The following MUC5AC variants were observed in gnomAD, a reference collection of about 807,000 sequenced individuals.
The protein encoded by MUC5AC is mucin 5AC, oligomeric mucus/gel-forming.
Under a neutral mutation model 169.7 loss-of-function variants are expected in MUC5AC, and 158 were observed. The ratio of observed to expected loss-of-function variants is 0.93; its 90% CI spans 0.82 to 1.06. The LOEUF is 1.06. MUC5AC is among the 50% of genes least tolerant of loss of function. The probability of loss-of-function intolerance (pLI) is 0.00; values close to 1 mark genes in which losing one functional copy is unlikely to be tolerated. For missense variants in MUC5AC, 4,359 were observed against 3,089.9 expected (o/e 1.41, Z -9.74); for synonymous variants, 1,975 against 1,237.0 (o/e 1.60, Z -12.52).
chr11:1,196,747 GGT>G (rs1391040421), intron 39 of MUC5AC, 27 bp downstream of exon 39: 1 of 738,340 alleles, frequency 1.4e-6, no homozygotes, highest in African/African-American at 1.7e-5. Context: ...GGGGCTGGGG[GGT>G]GTGGCAGGAC....
Position 1,185,364 on chromosome 11 carries a change from G to A in MUC5AC, c.7219G>A (p.Ala2407Thr). ...TGTTCCTACCACCAGCACAACCTCTGCCACTACAACCAGCACAACCTCAGC... is the reference window on the plus strand; with the variant it reads ...TGTTCCTACCACCAGCACAACCTCTACCACTACAACCAGCACAACCTCAGC... ...SPVPTTSTTS[A>T]TTTSTTSAPT... is the part of the protein sequence containing the mutation. Residue 2407 changes from alanine (A) to threonine (T), a missense_variant, in exon 31 of 49, where the codon GCC (alanine) becomes ACC (threonine). Transcript: ENST00000621226. The A allele has an allele frequency of 1.4e-6, 1 of 719,574 alleles. No homozygotes were observed. The highest frequency in any genetic ancestry group is 2.5e-6 in the Non-Finnish European group (1 of 394,962). The allele number at this position is 719,574 out of a possible 1,614,324, so 44.6% of individuals were successfully genotyped here.
chr11:1,188,151 C>A lies in MUC5AC; in HGVS notation c.10006C>A (p.Pro3336Thr), dbSNP rs1860998577. Residue 3336 changes from proline to threonine, a missense_variant, in exon 31 of 49, where the codon CCT becomes ACT. Transcript: ENST00000621226. Reference sequence around the variant, plus strand: ...CGTGACCTCCACACCTGTGACAGCTCCTAGCACCCCTAGTGGGAGAGCCAC... The same window carrying A: ...CGTGACCTCCACACCTGTGACAGCTACTAGCACCCCTAGTGGGAGAGCCAC... ...CPVTSTPVTA[P>T]STPSGRATSP... 13 of 716,594 alleles carry A rather than the reference C, an allele frequency of 1.8e-5. No homozygotes were observed. The highest frequency in any genetic ancestry group is 3.7e-5 in the Admixed American group (2 of 54,122). The allele number at this position is 716,594 out of a possible 1,614,324, so 44.4% of individuals were successfully genotyped here.
Position 1,165,634 on chromosome 11 carries a change from A to G in MUC5AC, c.1260A>G (p.Gly420=). ...CTCTTGCTCTCAGCACCTGCTCCGGAGGCCGGTGGAGCTGCCAGGAGGTTC... is the reference window on the plus strand; with the variant it reads ...CTCTTGCTCTCAGCACCTGCTCCGGGGGCCGGTGGAGCTGCCAGGAGGTTC... ...STDCTNCTCS[G]GRWSCQEVPC... The change falls in exon 11 of 49, where the codon GGA becomes GGG. Residue 420 remains glycine (G), a synonymous_variant. Coordinates refer to ENST00000621226, the MANE Select transcript of MUC5AC (RefSeq NM_001304359.2). 1.2e-6 allele frequency: 2 copies of G among 1,612,132 alleles called. No individual in the cohort carries two copies. The highest frequency in any genetic ancestry group is 8.5e-7 in the Non-Finnish European group (1 of 1,179,746).
chr11:1,157,984 C>T lies in MUC5AC; in HGVS notation c.-16C>T, dbSNP rs534764726. On this transcript the variant is annotated 5_prime_UTR_variant, in exon 1 of 49. Transcript: ENST00000621226. ...GGCTGCTGAGGGACAGGGCACTCTT[C>T]CCCGCCGTCCACACAATGAGTGTTG... 3.2e-6 allele frequency: 5 copies of T among 1,575,368 alleles called. No individual in the cohort carries two copies. The East Asian group carries it at 7.0e-5, about 22-fold the overall frequency.
At chr11:1,164,607 C>A in intron 9 of MUC5AC, 75 bp downstream of exon 9, 1 of 1,502,556 alleles carries the variant, frequency 6.7e-7, no homozygotes. Flanking sequence ...GGCCAAGCCT[C>A]GGAAGAAGGA....
chr11:1,181,974 C>T (rs1277836166), intron 30 of MUC5AC, among the ~76,000 whole-genome samples, 181 bp from the exon 31 acceptor site: 2 of 152,228 alleles, frequency 1.3e-5, no homozygotes, highest in African/African-American at 2.4e-5. Flanking sequence ...AAAACTCAGT[C>T]GGTTCGCCTG....
At chr11:1,171,601 TCACCCATTCACCCACTCAC>T (rs1860541107) in intron 15 of MUC5AC, among the ~76,000 whole-genome samples, 1 of 104,714 alleles carries the variant, frequency 9.5e-6, no homozygotes, top group Non-Finnish European at 1.9e-5. Flanking sequence ...ACCCACTCAC[TCACCCATTCACCCACTCAC>T]GAACTCACTC....
At position 1,188,871 on chromosome 11, in the gene MUC5AC, G is replaced by A; in HGVS notation, c.10726G>A (p.Glu3576Lys). Residue 3576 changes from glutamate (E) to lysine (K), a missense_variant, in exon 31 of 49, where the codon GAG (glutamate) becomes AAG (lysine). By Grantham distance (56) the Glu-to-Lys change is moderately conservative. Transcript: ENST00000621226. ...CCAGTGCCGAGCCAAGAGCCACCCG[G>A]AGGTGAGCATCGAACACCTGGGCCA... ...RLQCRAKSHP[E>K]VSIEHLGQVV... The A allele has an allele frequency of 2.6e-6, 2 of 763,774 alleles. No homozygotes were observed. The highest frequency in any genetic ancestry group is 4.8e-6 in the Non-Finnish European group (2 of 417,208). The allele number at this position is 763,774 out of a possible 1,614,324, so 47.3% of individuals were successfully genotyped here. A position where few individuals can be genotyped will look rare whatever the true frequency, so the allele number is the denominator to read the frequency against.
rs764080695 is a variant in MUC5AC at position 1,192,111 on chromosome 11, A to T, written c.13966A>T (p.Asn4656Tyr). Residue 4656 changes from asparagine to tyrosine, a missense_variant, in exon 31 of 49, where the codon AAC (asparagine) becomes TAC (tyrosine). Coordinates refer to ENST00000621226, the MANE Select transcript of MUC5AC (RefSeq NM_001304359.2). Reference protein sequence around the residue: ...PHGGDKETYNNIIRSGEKICR... With the variant: ...PHGGDKETYNYIIRSGEKICR... ...CGGCGGGGACAAGGAAACCTACAAC[A>T]ACATCATCAGGAGTGGGGAAAAAAT... 5 of 765,028 alleles carry T rather than the reference A, an allele frequency of 6.5e-6. No homozygotes were observed. The highest frequency in any genetic ancestry group is 1.2e-5 in the Non-Finnish European group (5 of 417,880). 47.4% of individuals were successfully genotyped at this position (765,028 alleles called of 1,614,324 possible).
In MUC5AC at chr11:1,192,785, T is replaced by G. The variant is rs1229976918; in HGVS notation, c.14383T>G (p.Ser4795Ala). Residue 4795 changes from serine to alanine, a missense_variant and splice_region_variant, in exon 32 of 49, where the codon TCC (serine) becomes GCC (alanine). By Grantham distance (99) the Ser-to-Ala change is moderately conservative (BLOSUM62 1). Transcript: ENST00000621226. ...TGCCATGTCCCTTCCTCTTACAGGA[T>G]CCACCATATACCGCCACAGAGACCT... is the stretch of plus-strand genomic sequence containing the variant. Reference protein sequence around the residue: ...NVADRLYPAGSTIYRHRDLAG... With the variant: ...NVADRLYPAGATIYRHRDLAG... 6 of 755,438 alleles carry G rather than the reference T, an allele frequency of 7.9e-6. No homozygotes were observed. The highest frequency in any genetic ancestry group is 1.7e-5 in the African/African-American group (1 of 58,896). The allele number at this position is 755,438 out of a possible 1,614,324, so 46.8% of individuals were successfully genotyped here. A position where few individuals can be genotyped will look rare whatever the true frequency, so the allele number is the denominator to read the frequency against.
At chr11:1,194,738 GCCA>G in intron 35 of MUC5AC, 68 bp downstream of exon 35, 2 of 678,234 alleles carry the variant, frequency 2.9e-6, no homozygotes, top group Non-Finnish European at 2.7e-6. Context: ...CAGGGGCGAG[GCCA>G]CCACGTGCCG....
chr11:1,199,524 G>A (rs1001240463), intron 46 of MUC5AC, 34 bp downstream of exon 46: 23 of 702,564 alleles, frequency 3.3e-5, no homozygotes, highest in Non-Finnish European at 5.5e-5. Context: ...AGCCAAGGGG[G>A]GCTTCACCCC....
Position 1,199,724 on chromosome 11 carries a change from C to T in MUC5AC, c.16545C>T (p.Cys5515=), listed in dbSNP as rs1489800086. 1.4e-6 allele frequency: 1 copy of T among 711,512 alleles called. No homozygotes were observed. The highest frequency in any genetic ancestry group is 1.5e-5 in the South Asian group (1 of 68,370). The allele number at this position is 711,512 out of a possible 1,614,324, so 44.1% of individuals were successfully genotyped here. A position where few individuals can be genotyped will look rare whatever the true frequency, so the allele number is the denominator to read the frequency against. The change falls in exon 47 of 49, where the codon TGC becomes TGT. Residue 5515 remains cysteine (C), a synonymous_variant. Transcript: ENST00000621226. ...LDEARMSKDG[C]CRFCPPPPPP... ...AGGCCCGCATGAGCAAGGACGGCTG[C>T]TGCCGCTTCTGCCCGCCGCCCCCGC...
intron 25 of MUC5AC, 47 bp from the exon 26 acceptor site, chr11:1,179,045 C>T (rs936096678): frequency 0.02 from 3,425 of 168,850 alleles, 71 homozygotes; most frequent in African/African-American, 0.2. Flanking sequence ...CAAGAGCCCG[C>T]GGGGTGGTGG....
At chr11:1,178,741 C>A in intron 25 of MUC5AC, 58 bp downstream of exon 25, 2 of 933,734 alleles carry the variant, frequency 2.1e-6, no homozygotes, top group Non-Finnish European at 2.8e-6. Flanking sequence ...ACCCAAGGAG[C>A]CCCCAGAAGG....
intron 9 of MUC5AC, 91 bp downstream of exon 9, chr11:1,164,623 G>A: frequency 2.0e-6 from 3 of 1,464,456 alleles, no homozygotes; most frequent in Non-Finnish European, 2.7e-6. Context: ...AAGGACCCCA[G>A]TCCTAGTGTC....
In MUC5AC at chr11:1,184,938, C is replaced by G. The variant is rs1290908967; in HGVS notation, c.6793C>G (p.Gln2265Glu). The G allele has an allele frequency of 1.8e-5, 12 of 649,270 alleles. No homozygotes were observed. The highest frequency in any genetic ancestry group is 3.1e-5 in the Non-Finnish European group (11 of 359,792). 40.2% of individuals were successfully genotyped at this position (649,270 alleles called of 1,614,324 possible). A position where few individuals can be genotyped will look rare whatever the true frequency, so the allele number is the denominator to read the frequency against. Residue 2265 changes from glutamine to glutamate, a missense_variant, in exon 31 of 49, where the codon CAG becomes GAG. Transcript: ENST00000621226. ...LVTTSTTSTP[Q>E]TSTTYAHTTS... ...GACAACCAGCACAACCTCCACTCCA[C>G]AGACCAGTACAACCTATGCCCATAC...
intron 9 of MUC5AC, among the ~76,000 whole-genome samples, chr11:1,164,774 G>A (rs1466151943): frequency 6.7e-6 from 1 of 148,198 alleles, no homozygotes; most frequent in African/African-American, 2.5e-5. Flanking sequence ...TGAGCCTCCT[G>A]AGGCTGGCTG....
intron 40 of MUC5AC, 65 bp from the exon 41 acceptor site, chr11:1,197,403 G>A: frequency 1.5e-6 from 1 of 687,554 alleles, no homozygotes; most frequent in Non-Finnish European, 2.7e-6. Flanking sequence ...GCATGAGCCG[G>A]GGTGGCTGCT....
Sources: gnomAD v4.1 joint callset for allele counts (sites outside exome capture counted in the v4.1 genomes callset) on GRCh38, gnomAD v4.1.1 for gene constraint, MANE v1.5 for transcripts, NCBI Gene and HGNC (gene_info 2026-07-23, HGNC 2026-07-21) for gene names.